The following RIMS2 variants were observed in gnomAD, a reference collection of about 807,000 sequenced individuals.
RIMS2 encodes the protein regulating synaptic membrane exocytosis protein 2.
In RIMS2, 59 loss-of-function variants were observed where a neutral mutation model predicts 174.4. That is an observed-to-expected ratio of 0.34 (90% confidence interval 0.27 to 0.42). RIMS2 has a LOEUF of 0.42. Ranked by LOEUF, RIMS2 falls within the 10% of genes least tolerant of loss-of-function variation. RIMS2 has a pLI of 1.00. For missense variants in RIMS2, 1,620 were observed against 1,666.3 expected (o/e 0.97, Z 0.48); for synonymous variants, 606 against 572.5 (o/e 1.06, Z -0.84).
chr8:103,783,409 A>G (rs1390703987), intron 3 of RIMS2, among the ~76,000 whole-genome samples: 1 of 149,946 alleles, frequency 6.7e-6, no homozygotes, highest in Non-Finnish European at 1.5e-5. Context: ...TCCCAATGCT[A>G]TCCCTCCCCC....
chr8:103,523,278 T>C (rs1310392809), intron 1 of RIMS2, among the ~76,000 whole-genome samples: 1 of 152,124 alleles, frequency 6.6e-6, no homozygotes, highest in East Asian at 1.9e-4. Context: ...CATCATTTGA[T>C]TTTGCATTGG....
At chr8:104,079,692 T>C (rs1490621263) in intron 19 of RIMS2, among the ~76,000 whole-genome samples, 1 of 142,676 alleles carries the variant, frequency 7.0e-6, no homozygotes, top group Non-Finnish European at 1.5e-5. Flanking sequence ...ATATATACCT[T>C]CTGAACCAAC....
intron 2 of RIMS2, among the ~76,000 whole-genome samples, chr8:103,728,748 C>CTTTTTT (rs71575982): frequency 0.087 from 7,926 of 91,482 alleles, 363 homozygotes; most frequent in Non-Finnish European, 0.13. Flanking sequence ...TATGCTCCTT[C>CTTTTTT]TTTTTTTTTT....
intron 17 of RIMS2, among the ~76,000 whole-genome samples, chr8:103,999,682 A>C (rs778190486): frequency 6.6e-6 from 1 of 151,788 alleles, no homozygotes; most frequent in Non-Finnish European, 1.5e-5. Flanking sequence ...ATGCTAAGTT[A>C]AAGTCATATC....
At chr8:103,695,994 T>TA (rs2097096522) in intron 1 of RIMS2, among the ~76,000 whole-genome samples, 1 of 152,194 alleles carries the variant, frequency 6.6e-6, no homozygotes, top group Non-Finnish European at 1.5e-5. Context: ...TTCTTGTGTT[T>TA]AATTTGTTGT....
chr8:103,604,481 G>A (rs2094942198), intron 1 of RIMS2, among the ~76,000 whole-genome samples: 1 of 152,058 alleles, frequency 6.6e-6, no homozygotes, highest in Non-Finnish European at 1.5e-5. Flanking sequence ...TGGCAACGCG[G>A]GCTCTTTTTT....
At chr8:103,937,986 C>T (rs2081645164) in intron 13 of RIMS2, among the ~76,000 whole-genome samples, 1 of 152,140 alleles carries the variant, frequency 6.6e-6, no homozygotes, top group South Asian at 2.1e-4. Context: ...GTAGCTGGGG[C>T]TACAGGCACC....
chr8:103,696,928 T>C (rs944927323), intron 1 of RIMS2, among the ~76,000 whole-genome samples, 158 bp from the exon 4 acceptor site: 1 of 150,868 alleles, frequency 6.6e-6, no homozygotes, highest in East Asian at 1.9e-4. Flanking sequence ...TAATGTGCCA[T>C]GAAAAGTGTT....
chr8:103,565,947 G>T (rs376093037), intron 1 of RIMS2, among the ~76,000 whole-genome samples: 120 of 152,258 alleles, frequency 7.9e-4, no homozygotes, highest in African/African-American at 2.7e-3. Flanking sequence ...CAATATGTTT[G>T]GGGTTTGTCA....
rs932142412 is a variant in RIMS2 at position 104,245,139 on chromosome 8, T to C, written c.3476+82T>C. On this transcript the variant is annotated intron_variant, in intron 20 of 23. Transcript: ENST00000504942. ...TGTGCTTTCACAGAGATTTTCCAAC[T>C]CTCATGCTCTTCAGAACCACTTTAA... 4 of 1,392,698 alleles carry C rather than the reference T, an allele frequency of 2.9e-6. No homozygotes were observed. The African/African-American group carries it at 5.7e-5, about 20-fold the overall frequency. The allele number at this position is 1,392,698 out of a possible 1,614,324, so 86.3% of individuals were successfully genotyped here.
chr8:104,017,719 T>A (rs1318435490), intron 19 of RIMS2, among the ~76,000 whole-genome samples: 2 of 152,184 alleles, frequency 1.3e-5, no homozygotes, highest in Non-Finnish European at 2.9e-5. Context: ...AGCAATGTGA[T>A]AATTAACCAG....
At chr8:103,710,190 A>T (rs1376471274) in intron 2 of RIMS2, among the ~76,000 whole-genome samples, 2 of 152,142 alleles carry the variant, frequency 1.3e-5, no homozygotes, top group South Asian at 2.1e-4. Context: ...TACTAAGCTT[A>T]TGAAATAGAA....
chr8:104,111,532 C>T (rs2098183570), intron 19 of RIMS2, among the ~76,000 whole-genome samples: 1 of 152,168 alleles, frequency 6.6e-6, no homozygotes, highest in Non-Finnish European at 1.5e-5. Context: ...CTCAGCCTCT[C>T]CAGTAGCTGG....
intron 19 of RIMS2, among the ~76,000 whole-genome samples, chr8:104,070,892 T>C (rs1163955370): frequency 6.6e-6 from 1 of 152,092 alleles, no homozygotes; most frequent in South Asian, 2.1e-4. Context: ...AGATCCTACA[T>C]ACCCACTACA....
At chr8:103,942,607 A>T (rs557045754) in intron 13 of RIMS2, among the ~76,000 whole-genome samples, 166 bp from the exon 16 acceptor site, 2 of 152,260 alleles carry the variant, frequency 1.3e-5, no homozygotes, top group South Asian at 4.1e-4. Flanking sequence ...ATAAAAGTTT[A>T]TTTTTTGTCA....
At chr8:103,627,943 A>C (rs1431716991) in intron 1 of RIMS2, among the ~76,000 whole-genome samples, 1 of 152,182 alleles carries the variant, frequency 6.6e-6, no homozygotes, top group African/African-American at 2.4e-5. Context: ...TCCTTTATGT[A>C]ACTGGGTGGT....
intron 3 of RIMS2, among the ~76,000 whole-genome samples, chr8:103,794,319 A>T (rs2098531307): frequency 6.6e-6 from 1 of 152,206 alleles, no homozygotes; most frequent in Non-Finnish European, 1.5e-5. Flanking sequence ...CGGAACAAAA[A>T]CAAGAAATGG....
At chr8:103,856,357 A>T (rs975388425) in intron 3 of RIMS2, among the ~76,000 whole-genome samples, 1 of 152,180 alleles carries the variant, frequency 6.6e-6, no homozygotes, top group Non-Finnish European at 1.5e-5. Flanking sequence ...CTTTTTATCC[A>T]ACTTGCTGTG....
intron 1 of RIMS2, among the ~76,000 whole-genome samples, chr8:103,519,189 A>G (rs1240866526): frequency 6.6e-6 from 1 of 152,142 alleles, no homozygotes; most frequent in Non-Finnish European, 1.5e-5. Context: ...TTTATATGTC[A>G]TATATACTAT....
Sources: allele counts gnomAD v4.1 joint callset (sites outside exome capture counted in the v4.1 genomes callset), GRCh38; gene constraint gnomAD v4.1.1; transcripts MANE v1.5; gene names NCBI Gene and HGNC (gene_info 2026-07-23, HGNC 2026-07-21).